Variants in FLRT1 observed in about 807,000 individuals in gnomAD.
FLRT1 encodes leucine-rich repeat transmembrane protein FLRT1.
Under a neutral mutation model 30.9 loss-of-function variants are expected in FLRT1, and 14 were observed. That is an observed-to-expected ratio of 0.45 (90% CI 0.30 to 0.71). The LOEUF is 0.71. Among genes scored for constraint, FLRT1 ranks in the 30% least tolerant of loss-of-function variants. FLRT1 has a pLI of 0.08. For missense variants in FLRT1, 737 were observed against 949.2 expected (o/e 0.78, Z 2.94); for synonymous variants, 368 against 430.4 (o/e 0.85, Z 1.80).
intron 1 of FLRT1, among the ~76,000 whole-genome samples, chr11:64,042,987 C>T (rs1169961707): frequency 6.6e-6 from 1 of 152,224 alleles, no homozygotes; most frequent in Non-Finnish European, 1.5e-5. Context: ...GTAGTCAGGA[C>T]ACATTCTGGG....
chr11:64,079,463 G>A (rs753723011), intron 1 of FLRT1, among the ~76,000 whole-genome samples: 15 of 152,160 alleles, frequency 9.9e-5, no homozygotes, highest in African/African-American at 3.1e-4. Context: ...ATGAGCAGCC[G>A]GGCACGCAGG....
At chr11:64,044,409 A>G (rs960930232) in intron 1 of FLRT1, among the ~76,000 whole-genome samples, 1 of 151,846 alleles carries the variant, frequency 6.6e-6, no homozygotes, top group African/African-American at 2.4e-5. Context: ...GCACCAACAC[A>G]CTGGCTAATT....
chr11:64,090,769 C>T lies in FLRT1; in HGVS notation c.-1037-12425C>T, dbSNP rs921561126. On this transcript the variant is annotated intron_variant, in intron 1 of 2. Coordinates refer to ENST00000682287, the MANE Select transcript of FLRT1 (RefSeq NM_013280.5). The surrounding 1 kb of genome is among the most constrained non-coding windows in gnomAD (Gnocchi z 4.7). The stretch of plus-strand genomic sequence containing the variant: ...CAAGACTAAAAGGGGGGCGGGGTGG[C>T]GGCGTCTCTCCACCAGGCACTTGGG... Among the ~76,000 whole-genome samples, 1 of 151,952 alleles carries T rather than the reference C, an allele frequency of 6.6e-6. No homozygotes were observed. Among genetic ancestry groups the T allele is most frequent in the Non-Finnish European group, 1.5e-5 (1 of 67,994 alleles).
chr11:64,101,953 C>A (rs640999), intron 1 of FLRT1, among the ~76,000 whole-genome samples: 70,970 of 152,002 alleles, frequency 0.47, 17,360 homozygotes, highest in African/African-American at 0.61. Flanking sequence ...TTCCCAAATG[C>A]CTTCCCTGCC....
chr11:64,060,209 G>A (rs1057505204), intron 1 of FLRT1, among the ~76,000 whole-genome samples: 1 of 152,264 alleles, frequency 6.6e-6, no homozygotes, highest in African/African-American at 2.4e-5. Context: ...GAGAGGCCAG[G>A]CCCACATTTC....
rs7929232 is a variant in FLRT1 at position 64,076,306 on chromosome 11, C to T, written c.-1037-26888C>T. 1.1e-3 allele frequency among the ~76,000 whole-genome samples: 167 copies of T among 152,294 alleles called. 1 individual carries two copies. The highest frequency in any genetic ancestry group is 3.6e-3 in the African/African-American group (148 of 41,566). ...GCATGGGTCAAAAGACCCCACATGCCATGCTCTGACTTGGGGTTAGGGACA... is the reference window on the plus strand; with the variant it reads ...GCATGGGTCAAAAGACCCCACATGCTATGCTCTGACTTGGGGTTAGGGACA... On this transcript the variant is annotated intron_variant, in intron 1 of 2. Transcript: ENST00000682287.
At chr11:64,063,166 G>A (rs1037425499) in intron 1 of FLRT1, among the ~76,000 whole-genome samples, 1 of 152,298 alleles carries the variant, frequency 6.6e-6, no homozygotes, top group African/African-American at 2.4e-5. Context: ...TGCAGGAGCT[G>A]GGTGTGTTAA....
At chr11:64,088,340 T>G (rs1394491086) in intron 1 of FLRT1, among the ~76,000 whole-genome samples, 2 of 151,892 alleles carry the variant, frequency 1.3e-5, no homozygotes, top group African/African-American at 4.8e-5. Context: ...AGGGGCAGCA[T>G]AGACCAGGGG....
At chr11:64,038,724 C>T (rs997101920) in intron 1 of FLRT1, among the ~76,000 whole-genome samples, 24 of 152,152 alleles carry the variant, frequency 1.6e-4, no homozygotes, top group African/African-American at 5.8e-4. Context: ...GCTGTGCTGG[C>T]CCTTCTGCTC....
intron 2 of FLRT1, among the ~76,000 whole-genome samples, chr11:64,112,454 T>C (rs1336044328): frequency 6.6e-6 from 1 of 152,086 alleles, no homozygotes; most frequent in Non-Finnish European, 1.5e-5. Flanking sequence ...GCGGAGGTTG[T>C]AGTGACCCAA....
chr11:64,099,891 G>A (rs1263219382), intron 1 of FLRT1, among the ~76,000 whole-genome samples: 2 of 151,736 alleles, frequency 1.3e-5, no homozygotes, highest in African/African-American at 4.8e-5. Context: ...AGAAATGGAG[G>A]GAGAGATGGA....
In FLRT1 at chr11:64,096,707, G is replaced by A. The variant is rs907497887; in HGVS notation, c.-1037-6487G>A. Among the ~76,000 whole-genome samples, 5 of 152,236 alleles carry A rather than the reference G, an allele frequency of 3.3e-5. No homozygotes were observed. Among genetic ancestry groups the A allele is most frequent in the Admixed American group, 2.0e-4 (3 of 15,298 alleles). ...GCTGGGATTACAGGCATGAGCCACCGCACCCTACCCTCTCCCCCTTTTGTG... is the reference window on the plus strand; with the variant it reads ...GCTGGGATTACAGGCATGAGCCACCACACCCTACCCTCTCCCCCTTTTGTG... On this transcript the variant is annotated intron_variant, in intron 1 of 2. Transcript: ENST00000682287. The surrounding 1 kb of genome is among the most constrained non-coding windows in gnomAD (Gnocchi z 4.6).
chr11:64,047,874 G>A (rs544165820), intron 1 of FLRT1, among the ~76,000 whole-genome samples: 2 of 148,482 alleles, frequency 1.3e-5, no homozygotes, highest in Non-Finnish European at 3.0e-5. Flanking sequence ...TCCAGCCTGG[G>A]TGACAAGAGT....
chr11:64,051,723 C>G (rs1300608625), intron 1 of FLRT1, among the ~76,000 whole-genome samples: 1 of 152,162 alleles, frequency 6.6e-6, no homozygotes, highest in African/African-American at 2.4e-5. Flanking sequence ...CCTCCCTGAA[C>G]AGTGGTTTGG....
At chr11:64,089,939 C>G (rs934840928) in intron 1 of FLRT1, among the ~76,000 whole-genome samples, 1 of 152,176 alleles carries the variant, frequency 6.6e-6, no homozygotes, top group African/African-American at 2.4e-5. Flanking sequence ...GTTTGCCCCC[C>G]ACGCCCTGTA....
chr11:64,037,692 C>A (rs1399787591), intron 1 of FLRT1, among the ~76,000 whole-genome samples: 1 of 152,136 alleles, frequency 6.6e-6, no homozygotes, highest in African/African-American at 2.4e-5. Flanking sequence ...TTCCCAGACA[C>A]AGAGACTGGA....
intron 1 of FLRT1, among the ~76,000 whole-genome samples, chr11:64,068,733 G>A (rs1944051194): frequency 6.6e-6 from 1 of 152,216 alleles, no homozygotes; most frequent in Admixed American, 6.5e-5. Context: ...CTGCAGCTGG[G>A]ACAGCTGCTA....
chr11:64,053,153 CAGACGG>C (rs1398693194), intron 1 of FLRT1, among the ~76,000 whole-genome samples: 2 of 152,182 alleles, frequency 1.3e-5, no homozygotes, highest in Non-Finnish European at 2.9e-5. Flanking sequence ...ATGCGGGCCC[CAGACGG>C]AGAGCTGGGG....
rs1030886464 is a variant in FLRT1, at chr11:64,118,478, A to T, written c.*186A>T. ...GAACACAACAGTGACAATTTTTTTTAAAAGAATAGAAGGCAGGAGGGGGAA... is the reference window on the plus strand; with the variant it reads ...GAACACAACAGTGACAATTTTTTTTTAAAGAATAGAAGGCAGGAGGGGGAA... On this transcript the variant is annotated 3_prime_UTR_variant, in exon 3 of 3. Transcript: ENST00000682287. 1.3e-5 allele frequency: 7 copies of T among 558,310 alleles called. No homozygotes were observed. Among genetic ancestry groups the T allele is most frequent in the Non-Finnish European group, 2.1e-5 (7 of 340,160 alleles). The allele number at this position is 558,310 out of a possible 1,614,324, so 34.6% of individuals were successfully genotyped here.
Sources: gnomAD v4.1 joint callset for allele counts (sites outside exome capture counted in the v4.1 genomes callset) on GRCh38, gnomAD v4.1.1 for gene constraint, Gnocchi (gnomAD v3.1) non-coding constraint, MANE v1.5 for transcripts, NCBI Gene and HGNC (gene_info 2026-07-23, HGNC 2026-07-21) for gene names.